Variants in CBFA2T2 observed in about 807,000 individuals in gnomAD.
CBFA2T2 encodes CBFA2/RUNX1 partner transcriptional co-repressor 2.
In CBFA2T2, 11 loss-of-function variants were observed where a neutral mutation model predicts 62.2. The ratio of observed to expected loss-of-function variants is 0.18; its 90% CI spans 0.11 to 0.29. The LOEUF is 0.29. CBFA2T2 is among the 10% of genes least tolerant of loss of function. CBFA2T2 has a pLI of 1.00. For synonymous variants in CBFA2T2, 295 were observed against 287.5 expected, an observed-to-expected ratio of 1.03 and a Z score of -0.27; for missense variants, 592 against 774.1, an observed-to-expected ratio of 0.76 and a Z score of 2.79.
At position 33,587,256 on chromosome 20, in the gene CBFA2T2, TTTTTGTTTTG is replaced by T. The variant is rs61203194; in HGVS notation, c.35-19679_35-19670del. On this transcript the variant is annotated intron_variant, in intron 1 of 10. Transcript: ENST00000342704. ...ACGGCACCCAGGTTTGTTTTTTATT[TTTTTGTTTTG>T]TTTTGTTTTGTTTTGTTTTGAGATG... Among the ~76,000 whole-genome samples, 647 of 150,084 alleles carry T rather than the reference TTTTTGTTTTG, an allele frequency of 4.3e-3. 7 individuals carry two copies. The highest frequency in any genetic ancestry group is 0.025 in the Middle Eastern group (7 of 284).
Position 33,510,510 on chromosome 20 carries a change from C to T in CBFA2T2, c.34+20209C>T, listed in dbSNP as rs940271418. Among the ~76,000 whole-genome samples, 10 of 152,168 alleles carry T rather than the reference C, an allele frequency of 6.6e-5. 1 individual carries two copies. The highest frequency in any genetic ancestry group is 2.4e-4 in the African/African-American group (10 of 41,442). ...ACAGGCGTGAGCCACCACGCCCGGC[C>T]ACATTTTCTTAATCTAGTCTATCAT... On this transcript the variant is annotated intron_variant, in intron 1 of 10. Coordinates refer to ENST00000342704, the MANE Select transcript of CBFA2T2 (RefSeq NM_001032999.3).
At chr20:33,644,091 A>T (rs981334176) in intron 10 of CBFA2T2, among the ~76,000 whole-genome samples, 6 of 151,848 alleles carry the variant, frequency 4.0e-5, no homozygotes, top group Admixed American at 3.3e-4. Flanking sequence ...AGGTATTTTC[A>T]CACACACATC....
At chr20:33,594,564 T>TATAA (rs2014807333) in intron 1 of CBFA2T2, among the ~76,000 whole-genome samples, 1 of 152,168 alleles carries the variant, frequency 6.6e-6, no homozygotes, top group South Asian at 2.1e-4. Flanking sequence ...CGCAGACATT[T>TATAA]AGCACAGATG....
At chr20:33,641,941 T>C (rs971934911) in intron 10 of CBFA2T2, among the ~76,000 whole-genome samples, 2 of 152,108 alleles carry the variant, frequency 1.3e-5, no homozygotes, top group Admixed American at 1.3e-4. Context: ...AGTATTGTAC[T>C]GTCACACATG....
At chr20:33,542,887 G>C (rs896161166) in intron 1 of CBFA2T2, among the ~76,000 whole-genome samples, 1 of 152,000 alleles carries the variant, frequency 6.6e-6, no homozygotes, top group African/African-American at 2.4e-5. Flanking sequence ...TGTTCAGGCT[G>C]GTCTCCTGGA....
chr20:33,542,128 G>C (rs576663719), intron 1 of CBFA2T2, among the ~76,000 whole-genome samples: 6 of 152,196 alleles, frequency 3.9e-5, no homozygotes, highest in Non-Finnish European at 8.8e-5. Flanking sequence ...CTGATTACTT[G>C]GTTCTGATTT....
intron 1 of CBFA2T2, among the ~76,000 whole-genome samples, chr20:33,503,514 A>G (rs1300054716): frequency 6.6e-6 from 1 of 152,060 alleles, no homozygotes. Flanking sequence ...CGGCCTCCCA[A>G]AGTGCTGGGA....
At chr20:33,643,998 T>C (rs2016959808) in intron 10 of CBFA2T2, among the ~76,000 whole-genome samples, 1 of 151,174 alleles carries the variant, frequency 6.6e-6, no homozygotes, top group South Asian at 2.1e-4. Context: ...TTGGTTTGGT[T>C]TCTGACTATT....
rs1350355581 is a variant in CBFA2T2, at chr20:33,494,241, GTGTATATATATATA to G, written c.34+3942_34+3955del. ...TGTACTATGTATTAGGCATATATAT[GTGTATATATATATA>G]TATATATATATATATATATTTTTTT... On this transcript the variant is annotated intron_variant, in intron 1 of 10. Coordinates refer to ENST00000342704, the MANE Select transcript of CBFA2T2 (RefSeq NM_001032999.3). Among the ~76,000 whole-genome samples, 38 of 41,898 alleles carry G rather than the reference GTGTATATATATATA, an allele frequency of 9.1e-4. 2 individuals carry two copies. The highest frequency in any genetic ancestry group is 2.7e-3 in the South Asian group (2 of 734). The allele number at this position is 41,898 out of a possible 152,430, so 27.5% of individuals were successfully genotyped here. A position where few individuals can be genotyped will look rare whatever the true frequency, so the allele number is the denominator to read the frequency against.
chr20:33,601,137 C>T (rs2015116442), intron 1 of CBFA2T2, among the ~76,000 whole-genome samples: 1 of 152,136 alleles, frequency 6.6e-6, no homozygotes, highest in South Asian at 2.1e-4. Flanking sequence ...CCTCCCCGCT[C>T]CCTTCTGTTA....
intron 4 of CBFA2T2, among the ~76,000 whole-genome samples, chr20:33,622,430 G>GT (rs957208342): frequency 9.2e-5 from 14 of 152,098 alleles, no homozygotes; most frequent in Admixed American, 3.9e-4. Context: ...TCTACTTTAT[G>GT]TTTTTTTTAA....
At position 33,639,866 on chromosome 20, in the gene CBFA2T2, G is replaced by A. The variant is rs1261588724; in HGVS notation, c.1298-475G>A. ...ATCGCAACAGTGCACTCCAGCCTGG[G>A]CAACAGAGCAAGGCCCTGTCTCAAA... is the stretch of plus-strand genomic sequence containing the variant. On this transcript the variant is annotated intron_variant, in intron 9 of 10. Coordinates refer to ENST00000342704, the MANE Select transcript of CBFA2T2 (RefSeq NM_001032999.3). 3.9e-5 allele frequency among the ~76,000 whole-genome samples: 6 copies of A among 152,184 alleles called. No homozygotes were observed. In the East Asian group the frequency reaches 7.7e-4, roughly 20 times the overall value.
intron 1 of CBFA2T2, among the ~76,000 whole-genome samples, chr20:33,549,551 T>C (rs142676760): frequency 2.6e-5 from 4 of 152,246 alleles, no homozygotes; most frequent in Admixed American, 2.6e-4. Context: ...AGCGAATTTA[T>C]AGGGACAGTG....
At chr20:33,635,754 T>G (rs1189551880) in intron 8 of CBFA2T2, among the ~76,000 whole-genome samples, 2 of 152,066 alleles carry the variant, frequency 1.3e-5, no homozygotes, top group Non-Finnish European at 2.9e-5. Flanking sequence ...GGTACATGCC[T>G]AAAGTCCTAG....
intron 1 of CBFA2T2, among the ~76,000 whole-genome samples, chr20:33,512,703 C>T (rs1006648271): frequency 6.6e-6 from 1 of 150,870 alleles, no homozygotes; most frequent in Non-Finnish European, 1.5e-5. Context: ...TTAGGAATAA[C>T]GCTGCAGGGA....
chr20:33,640,149 G>A (rs932824393), intron 9 of CBFA2T2, among the ~76,000 whole-genome samples, 192 bp from the exon 10 acceptor site: 7 of 152,184 alleles, frequency 4.6e-5, no homozygotes, highest in East Asian at 3.9e-4. Context: ...GCCCTAGCTC[G>A]GTGCCCACCT....
intron 1 of CBFA2T2, among the ~76,000 whole-genome samples, chr20:33,493,471 A>G (rs1348941670): frequency 8.5e-5 from 13 of 152,170 alleles, no homozygotes; most frequent in Non-Finnish European, 1.8e-4. Context: ...TCCTTGGGGA[A>G]GTAGTCTAGA....
chr20:33,602,729 C>G (rs951375617), intron 1 of CBFA2T2, among the ~76,000 whole-genome samples: 1 of 152,166 alleles, frequency 6.6e-6, no homozygotes. Context: ...TAGATGTCAG[C>G]AACCTCAGCA....
chr20:33,605,348 T>C (rs1191255130), intron 1 of CBFA2T2, among the ~76,000 whole-genome samples: 1 of 152,198 alleles, frequency 6.6e-6, no homozygotes, highest in Non-Finnish European at 1.5e-5. Flanking sequence ...TCAGCAGTTA[T>C]TGGAGAATGA....
Sources: allele counts gnomAD v4.1 joint callset (sites outside exome capture counted in the v4.1 genomes callset), GRCh38; gene constraint gnomAD v4.1.1; transcripts MANE v1.5; gene names NCBI Gene and HGNC (gene_info 2026-07-23, HGNC 2026-07-21).